FAM135B: variants seen among roughly 807,000 people sequenced by gnomAD.
FAM135B encodes protein FAM135B.
In FAM135B, 43 loss-of-function variants were observed where a neutral mutation model predicts 127.7. That is an observed-to-expected ratio of 0.34 (90% CI 0.26 to 0.43). The LOEUF is 0.43. Ranked by LOEUF, FAM135B falls within the 20% of genes least tolerant of loss-of-function variation. The pLI is 1.00. For synonymous variants in FAM135B, 670 were observed against 665.1 expected (o/e 1.01, Z -0.11); for missense variants, 1,558 against 1,725.6 (o/e 0.90, Z 1.72).
At chr8:138,253,763 A>C (rs761761570) in intron 5 of FAM135B, among the ~76,000 whole-genome samples, 7 of 152,156 alleles carry the variant, frequency 4.6e-5, no homozygotes, top group Non-Finnish European at 8.8e-5. Context: ...CTCATATGAG[A>C]GGCTCTGCTT....
chr8:138,312,421 C>T (rs1826758847), intron 2 of FAM135B, among the ~76,000 whole-genome samples: 1 of 152,130 alleles, frequency 6.6e-6, no homozygotes. Context: ...TTAGGAACCT[C>T]AGGACCCAAG....
rs1211187761 is a variant in FAM135B at position 138,242,036 on chromosome 8, TTC to T, written c.669+904_669+905del. Among the ~76,000 whole-genome samples, 1 of 152,134 alleles carries T rather than the reference TTC, an allele frequency of 6.6e-6. No homozygotes were observed. The highest frequency in any genetic ancestry group is 1.9e-4 in the East Asian group (1 of 5,170). On this transcript the variant is annotated intron_variant, in intron 7 of 19. Coordinates refer to ENST00000395297, the MANE Select transcript of FAM135B (RefSeq NM_015912.4). This position sits in a 1 kb window ranked among gnomAD's most constrained non-coding sequence, Gnocchi z 9.6. The stretch of plus-strand genomic sequence containing the variant: ...GGCCTTATAACACTAGCTTTCCTGG[TTC>T]TGAGGCCTTTAGCCTTGGACTGGAA...
intron 2 of FAM135B, among the ~76,000 whole-genome samples, chr8:138,342,132 A>T (rs560724966): frequency 1.5e-4 from 23 of 152,322 alleles, no homozygotes; most frequent in Non-Finnish European, 2.8e-4. Context: ...CCCACAAAAC[A>T]CCATGAAATA....
At chr8:138,478,025 C>G (rs541012091) in intron 1 of FAM135B, among the ~76,000 whole-genome samples, 1 of 152,064 alleles carries the variant, frequency 6.6e-6, no homozygotes, top group African/African-American at 2.4e-5. Flanking sequence ...TGTTGTTGCA[C>G]GAGAGAAATA....
chr8:138,251,926 A>G (rs2130499537), intron 5 of FAM135B, among the ~76,000 whole-genome samples: 1 of 152,330 alleles, frequency 6.6e-6, no homozygotes, highest in East Asian at 1.9e-4. Context: ...AAGGAAATGA[A>G]GCACAGAAAG....
chr8:138,335,927 A>C (rs1454959378), intron 2 of FAM135B, among the ~76,000 whole-genome samples: 8 of 152,220 alleles, frequency 5.3e-5, no homozygotes, highest in Non-Finnish European at 1.2e-4. Context: ...CAGTGCAATC[A>C]AACTAGAACT....
intron 1 of FAM135B, among the ~76,000 whole-genome samples, chr8:138,421,030 G>A (rs116635423): frequency 0.011 from 1,744 of 152,302 alleles, 30 homozygotes; most frequent in African/African-American, 0.04. Context: ...AAGACATCCA[G>A]GCTGGGTGCA....
intron 7 of FAM135B, among the ~76,000 whole-genome samples, chr8:138,222,985 C>T (rs1207353660): frequency 1.3e-5 from 2 of 152,050 alleles, no homozygotes; most frequent in Non-Finnish European, 2.9e-5. Flanking sequence ...GGGACATGAG[C>T]CTCCTCCAAC....
chr8:138,164,467 G>A (rs1819714307), intron 12 of FAM135B, among the ~76,000 whole-genome samples: 1 of 152,122 alleles, frequency 6.6e-6, no homozygotes, highest in African/African-American at 2.4e-5. Context: ...AATATCTTGA[G>A]GCCCCCAAAA....
chr8:138,396,125 G>A (rs537694269), intron 1 of FAM135B, among the ~76,000 whole-genome samples: 1 of 152,274 alleles, frequency 6.6e-6, no homozygotes, highest in African/African-American at 2.4e-5. Context: ...GCTTTGGGGT[G>A]AGACCAGGAC....
At chr8:138,380,191 C>A (rs1052602675) in intron 1 of FAM135B, among the ~76,000 whole-genome samples, 1 of 151,192 alleles carries the variant, frequency 6.6e-6, no homozygotes, top group African/African-American at 2.5e-5. Context: ...CTTTTCTTTT[C>A]TTTTCTTTCT....
chr8:138,385,798 C>T (rs1396959848), intron 1 of FAM135B, among the ~76,000 whole-genome samples: 1 of 151,736 alleles, frequency 6.6e-6, no homozygotes, highest in Non-Finnish European at 1.5e-5. Context: ...GGTGACAGAG[C>T]GAGCTCAAAA....
intron 12 of FAM135B, among the ~76,000 whole-genome samples, chr8:138,154,911 C>G (rs1023868728): frequency 6.6e-6 from 1 of 152,192 alleles, no homozygotes; most frequent in African/African-American, 2.4e-5. Flanking sequence ...CCTAACAAGG[C>G]AGGCCAACAT....
intron 5 of FAM135B, among the ~76,000 whole-genome samples, chr8:138,255,026 C>CTTTT (rs5895505): frequency 6.7e-5 from 8 of 118,706 alleles, no homozygotes; most frequent in South Asian, 5.7e-4. Context: ...GAAATCTGAA[C>CTTTT]TTTTTTTTTT....
intron 2 of FAM135B, among the ~76,000 whole-genome samples, 165 bp from the exon 3 acceptor site, chr8:138,311,085 G>A (rs963355994): frequency 6.6e-6 from 1 of 152,218 alleles, no homozygotes; most frequent in South Asian, 2.1e-4. Flanking sequence ...CAGCAGAGTT[G>A]GAGAGGGAAG....
intron 2 of FAM135B, among the ~76,000 whole-genome samples, chr8:138,316,441 C>T (rs1587067517): frequency 1.3e-5 from 2 of 151,344 alleles, no homozygotes; most frequent in Admixed American, 6.6e-5. Context: ...TTGCAGTGAG[C>T]GGAGATCGCG....
intron 1 of FAM135B, among the ~76,000 whole-genome samples, chr8:138,448,552 C>A (rs916760543): frequency 6.6e-6 from 1 of 151,986 alleles, no homozygotes; most frequent in Non-Finnish European, 1.5e-5. Flanking sequence ...ACTGAAATAT[C>A]GGCTCTTCCT....
intron 1 of FAM135B, among the ~76,000 whole-genome samples, chr8:138,483,998 C>CT (rs1814891055): frequency 6.6e-6 from 1 of 152,122 alleles, no homozygotes; most frequent in African/African-American, 2.4e-5. Flanking sequence ...GTAAATGCTC[C>CT]TTTTTTCCAG....
chr8:138,202,367 A>T (rs1284787448), intron 7 of FAM135B, among the ~76,000 whole-genome samples: 1 of 152,002 alleles, frequency 6.6e-6, no homozygotes, highest in Non-Finnish European at 1.5e-5. Context: ...CTTCCACTCC[A>T]GTCTCCTGAG....
Sources: allele counts gnomAD v4.1 joint callset (sites outside exome capture counted in the v4.1 genomes callset), GRCh38; gene constraint gnomAD v4.1.1; non-coding constraint Gnocchi (gnomAD v3.1); transcripts MANE v1.5; gene names NCBI Gene and HGNC (gene_info 2026-07-23, HGNC 2026-07-21).